TNRC18: variants seen among roughly 807,000 people sequenced by gnomAD.
TNRC18 encodes trinucleotide repeat containing 18.
In TNRC18, 69 loss-of-function variants were observed where a neutral mutation model predicts 226.7. The observed-to-expected ratio is 0.30, with a 90% CI of 0.25 to 0.37. TNRC18 has a LOEUF of 0.37. Ranked by LOEUF, TNRC18 falls within the 10% of genes least tolerant of loss-of-function variation. The pLI is 1.00. For synonymous variants in TNRC18, 2,449 were observed against 1,927.6 expected, an observed-to-expected ratio of 1.27 and a Z score of -7.09; for missense variants, 4,754 against 4,256.6, an observed-to-expected ratio of 1.12 and a Z score of -3.25.
Position 5,359,559 on chromosome 7 carries a change from T to G in TNRC18, c.4672A>C (p.Lys1558Gln). The change falls in exon 15 of 30, where the codon AAG (lysine) becomes CAG (glutamine). Residue 1558 changes from lysine (K) to glutamine (Q), a missense_variant. Physicochemically the swap from Lys to Gln is moderately conservative, Grantham distance 53. Transcript: ENST00000430969. ...TAATCATCTGATGTCAGCAGAGACT[T>G]GCTGCTCAGCCTGAAACGCAGACAC... The part of the protein sequence containing the change: ...SGHSSGKLSS[K>Q]SLLTSDDYEL... 1.2e-6 allele frequency: 2 copies of G among 1,613,898 alleles called. No individual in the cohort carries two copies. The highest frequency in any genetic ancestry group is 1.7e-6 in the Non-Finnish European group (2 of 1,179,888).
At chr7:5,372,501 G>A (rs1364468150) in intron 10 of TNRC18, among the ~76,000 whole-genome samples, 1 of 151,536 alleles carries the variant, frequency 6.6e-6, no homozygotes, top group Non-Finnish European at 1.5e-5. Context: ...GGGATTACAG[G>A]CGTGAGCCAC....
At chr7:5,348,721 G>C (rs1791467315) in intron 17 of TNRC18, among the ~76,000 whole-genome samples, 2 of 152,034 alleles carry the variant, frequency 1.3e-5, no homozygotes, top group Admixed American at 6.6e-5. Flanking sequence ...TGAGAGGGGA[G>C]ACTGGCCCCC....
chr7:5,420,443 C>G (rs767548922), intron 2 of TNRC18: 2 of 454,890 alleles, frequency 4.4e-6, no homozygotes, highest in South Asian at 3.1e-5. Flanking sequence ...GCCCTCCTAC[C>G]GGGGTGCAGG....
At chr7:5,364,213 GC>G (rs1182538835) in intron 11 of TNRC18, among the ~76,000 whole-genome samples, 1 of 152,030 alleles carries the variant, frequency 6.6e-6, no homozygotes, top group Non-Finnish European at 1.5e-5. Context: ...CATAAGAACT[GC>G]TTAAACTCAG....
chr7:5,348,420 C>T (rs781206840), intron 17 of TNRC18, among the ~76,000 whole-genome samples: 6 of 152,096 alleles, frequency 3.9e-5, no homozygotes, highest in African/African-American at 7.2e-5. Flanking sequence ...AGTCTAGGCT[C>T]GGATAGACAG....
intron 18 of TNRC18, among the ~76,000 whole-genome samples, chr7:5,340,458 T>A (rs746268056): frequency 3.3e-5 from 5 of 152,054 alleles, no homozygotes; most frequent in Non-Finnish European, 7.4e-5. Context: ...AGCTATCAGT[T>A]GGGCACGGTG....
At chr7:5,348,112 G>A (rs762934545) in intron 17 of TNRC18, among the ~76,000 whole-genome samples, 6 of 152,190 alleles carry the variant, frequency 3.9e-5, no homozygotes, top group Non-Finnish European at 8.8e-5. Context: ...GACAAAGGCA[G>A]CTGGCAGACA....
chr7:5,341,419 A>C (rs1478825994), intron 18 of TNRC18, among the ~76,000 whole-genome samples: 1 of 19,264 alleles, frequency 5.2e-5, no homozygotes, highest in African/African-American at 6.1e-4. Flanking sequence ...ACTCCATCTC[A>C]AAAAAAAAAA....
chr7:5,354,445 G>T (rs184045057), intron 16 of TNRC18, among the ~76,000 whole-genome samples: 5 of 151,464 alleles, frequency 3.3e-5, no homozygotes, highest in Non-Finnish European at 7.4e-5. Context: ...AATCTCCCCC[G>T]ACTTCCCTGA....
At chr7:5,317,183 T>C (rs1787932400) in intron 24 of TNRC18, among the ~76,000 whole-genome samples, 1 of 152,144 alleles carries the variant, frequency 6.6e-6, no homozygotes, top group Non-Finnish European at 1.5e-5. Flanking sequence ...ATCGGCTTGA[T>C]AAGGTTCCCT....
intron 2 of TNRC18, among the ~76,000 whole-genome samples, chr7:5,402,227 C>CCCCA (rs1781154994): frequency 6.8e-6 from 1 of 147,354 alleles, no homozygotes; most frequent in Non-Finnish European, 1.5e-5. Context: ...CAGAGCAAGA[C>CCCCA]CCCATCCCAA....
chr7:5,320,668 C>G, intron 22 of TNRC18, 61 bp from the exon 23 acceptor site: 1 of 1,432,394 alleles, frequency 7.0e-7, no homozygotes, highest in South Asian at 1.2e-5. Flanking sequence ...GGGCCTCAAT[C>G]CCACCAGCAC....
chr7:5,342,883 A>T (rs1790820293), intron 18 of TNRC18, among the ~76,000 whole-genome samples: 2 of 152,190 alleles, frequency 1.3e-5, no homozygotes, highest in African/African-American at 4.8e-5. Context: ...TTATTCTAAG[A>T]AATTGCCACA....
chr7:5,377,863 C>A lies in TNRC18; in HGVS notation c.2255+59G>T. 6.4e-7 allele frequency: 1 copy of A among 1,554,218 alleles called. No homozygotes were observed. Among genetic ancestry groups the A allele is most frequent in the East Asian group, 2.3e-5 (1 of 44,330 alleles). On this transcript the variant is annotated intron_variant, in intron 6 of 29. Transcript: ENST00000430969. This position sits in a 1 kb window ranked among gnomAD's most constrained non-coding sequence, Gnocchi z 5.8. ...CCCACCTGGGGTCATCCAGCTGCCC[C>A]TCACCCCCAGGGGCTCCTAGATACC... is the stretch of plus-strand genomic sequence containing the variant.
chr7:5,394,350 G>A lies in TNRC18; in HGVS notation c.343+90C>T. ...CCTGGGACCCACCAGCCCCAGCTCA[G>A]CGATGACAACAGAGGGGCACATGAA... is the stretch of plus-strand genomic sequence containing the variant. On this transcript the variant is annotated intron_variant, in intron 3 of 29. Transcript: ENST00000430969. The surrounding 1 kb of genome is among the most constrained non-coding windows in gnomAD (Gnocchi z 4.5). The A allele has an allele frequency of 7.8e-7, 1 of 1,285,354 alleles. No individual in the cohort carries two copies. The highest frequency in any genetic ancestry group is 1.0e-6 in the Non-Finnish European group (1 of 968,384). The allele number at this position is 1,285,354 out of a possible 1,614,324, so 79.6% of individuals were successfully genotyped here.
At chr7:5,407,483 A>G (rs1366765476) in intron 2 of TNRC18, 1 of 152,164 alleles carries the variant, frequency 6.6e-6, no homozygotes, top group East Asian at 1.9e-4. Flanking sequence ...CCAGGTGAGC[A>G]GATTCCCAAA....
In TNRC18 at chr7:5,352,066, G is replaced by A. The variant is rs781174588; in HGVS notation, c.5223C>T (p.Phe1741=). The A allele has an allele frequency of 9.3e-6, 15 of 1,610,628 alleles. No homozygotes were observed. Among genetic ancestry groups the A allele is most frequent in the Middle Eastern group, 1.6e-4 (1 of 6,078 alleles). ...YNTDSEEDEE[F]LKDEWPAQGP... Reference sequence around the variant, plus strand: ...CTTGGGCGGGCCACTCGTCCTTCAGGAATTCTTCGTCTTCCTCTGAGTCCG... The same window carrying A: ...CTTGGGCGGGCCACTCGTCCTTCAGAAATTCTTCGTCTTCCTCTGAGTCCG... Residue 1741 remains phenylalanine, a synonymous_variant, in exon 17 of 30, where the codon TTC becomes TTT. Coordinates refer to ENST00000430969, the MANE Select transcript of TNRC18 (RefSeq NM_001080495.3).
At chr7:5,356,831 G>A (rs925279993) in intron 16 of TNRC18, 85 bp downstream of exon 16, 10 of 1,295,846 alleles carry the variant, frequency 7.7e-6, no homozygotes, top group Middle Eastern at 2.7e-4. Context: ...AGTGAGGGGC[G>A]GGGGGGGAAG....
intron 17 of TNRC18, among the ~76,000 whole-genome samples, chr7:5,346,445 G>A (rs1791206238): frequency 6.6e-6 from 1 of 152,134 alleles, no homozygotes. Context: ...GCAGTGAGCT[G>A]AGATCGCATC....
Sources: gnomAD v4.1 joint callset for allele counts (sites outside exome capture counted in the v4.1 genomes callset) on GRCh38, gnomAD v4.1.1 for gene constraint, Gnocchi (gnomAD v3.1) non-coding constraint, MANE v1.5 for transcripts, NCBI Gene and HGNC (gene_info 2026-07-23, HGNC 2026-07-21) for gene names.